Variants in RBFOX1 observed in about 807,000 individuals in gnomAD.
RBFOX1 encodes RNA binding protein fox-1 homolog 1.
In RBFOX1, 8 loss-of-function variants were observed where a neutral mutation model predicts 57.7. The observed-to-expected ratio is 0.14, with a 90% confidence interval of 0.08 to 0.25. The LOEUF is 0.25. RBFOX1 is among the 10% of genes least tolerant of loss of function. The pLI is 1.00. For synonymous variants in RBFOX1, 326 were observed against 222.4 expected, an observed-to-expected ratio of 1.47 and a Z score of -4.15; for missense variants, 611 against 548.5, an observed-to-expected ratio of 1.11 and a Z score of -1.14.
intron 3 of RBFOX1, among the ~76,000 whole-genome samples, chr16:5,624,859 G>A (rs1044194446): frequency 6.6e-6 from 1 of 152,160 alleles, no homozygotes; most frequent in Admixed American, 6.5e-5. Flanking sequence ...TTGCTGAATG[G>A]CTCTGGGAGA....
intron 11 of RBFOX1, among the ~76,000 whole-genome samples, chr16:7,635,080 G>A (rs538207294): frequency 4.6e-5 from 7 of 152,318 alleles, no homozygotes; most frequent in East Asian, 3.9e-4. Flanking sequence ...GGTACTAGGT[G>A]TATTATTGCC....
At chr16:5,592,849 C>T (rs183527378) in intron 2 of RBFOX1, among the ~76,000 whole-genome samples, 2 of 152,274 alleles carry the variant, frequency 1.3e-5, no homozygotes, top group African/African-American at 4.8e-5. Context: ...GCCCTGGGGT[C>T]AGAACACTTT....
chr16:6,656,345 C>G (rs1035946349), intron 3 of RBFOX1, among the ~76,000 whole-genome samples: 1 of 152,102 alleles, frequency 6.6e-6, no homozygotes, highest in African/African-American at 2.4e-5. Context: ...TGAAAGATAA[C>G]ATAGGAACTG....
At chr16:6,656,902 A>ACTCTCCTCTCCTGCC (rs2098658606) in intron 3 of RBFOX1, among the ~76,000 whole-genome samples, 1 of 44,642 alleles carries the variant, frequency 2.2e-5, no homozygotes, top group Non-Finnish European at 4.1e-5. Context: ...CCTCCCCTCA[A>ACTCTCCTCTCCTGCC]CTCTCCTCTC....
chr16:6,664,575 G>A lies in RBFOX1; in HGVS notation c.-16+9925G>A, dbSNP rs145560511. 4.1e-3 allele frequency among the ~76,000 whole-genome samples: 624 copies of A among 152,292 alleles called. 4 individuals carry two copies. The highest frequency in any genetic ancestry group is 0.013 in the African/African-American group (559 of 41,560). ...TCTCTGCTGAGAAGCAGGGCTGTGC[G>A]AGAGACAGCTGCGCATGTAGCCCAC... On this transcript the variant is annotated intron_variant, in intron 3 of 15. Transcript: ENST00000550418.
At chr16:5,968,574 A>C (rs1271783493) in intron 4 of RBFOX1, among the ~76,000 whole-genome samples, 1 of 152,084 alleles carries the variant, frequency 6.6e-6, no homozygotes. Flanking sequence ...ACCTGAAAAT[A>C]ATTTTCTTTC....
chr16:6,532,043 A>C (rs1417121933), intron 2 of RBFOX1, among the ~76,000 whole-genome samples: 2 of 152,178 alleles, frequency 1.3e-5, no homozygotes, highest in Non-Finnish European at 2.9e-5. Context: ...ATGAATTCCA[A>C]CTAAGTCTTC....
At chr16:6,117,783 A>T (rs945252098) in intron 1 of RBFOX1, among the ~76,000 whole-genome samples, 25 of 152,356 alleles carry the variant, frequency 1.6e-4, no homozygotes, top group Non-Finnish European at 2.6e-4. Flanking sequence ...GCTATCTAAG[A>T]TGAGTTATCT....
In RBFOX1 at chr16:5,360,144, G is replaced by C. The variant is rs147246396; in HGVS notation, c.220-107072G>C. On this transcript the variant is annotated intron_variant, in intron 1 of 2. Coordinates refer to the RBFOX1 transcript ENST00000585867. ...AGACAGTTCTGGATGTTGCTCCATAGGCTCCTGATCATCCCACATCTGCAG... is the reference window on the plus strand; with the variant it reads ...AGACAGTTCTGGATGTTGCTCCATACGCTCCTGATCATCCCACATCTGCAG... Among the ~76,000 whole-genome samples, 15 of 152,326 alleles carry C rather than the reference G, an allele frequency of 9.8e-5. No individual in the cohort carries two copies. In the East Asian group the frequency reaches 2.7e-3, roughly 27 times the overall value.
intron 13 of RBFOX1, among the ~76,000 whole-genome samples, chr16:7,670,360 A>G (rs187979649): frequency 1.1e-3 from 164 of 152,328 alleles, no homozygotes; most frequent in African/African-American, 3.8e-3. Context: ...CCAGAAAAAA[A>G]GAAAATAATT....
intron 3 of RBFOX1, among the ~76,000 whole-genome samples, chr16:6,679,136 CA>C (rs2058227265): frequency 6.6e-6 from 1 of 152,112 alleles, no homozygotes; most frequent in Non-Finnish European, 1.5e-5. Flanking sequence ...CAGAATTTCA[CA>C]ACTGAGGAAC....
intron 4 of RBFOX1, among the ~76,000 whole-genome samples, chr16:7,394,836 T>C (rs1396250670): frequency 3.9e-5 from 6 of 152,330 alleles, no homozygotes; most frequent in African/African-American, 1.2e-4. Context: ...CTCTGCCTTA[T>C]TGTTTTTCAA....
intron 5 of RBFOX1, among the ~76,000 whole-genome samples, chr16:7,571,510 C>G (rs972358356): frequency 1.3e-5 from 2 of 152,188 alleles, no homozygotes; most frequent in Admixed American, 6.5e-5. Context: ...TTATTAAGGT[C>G]TTTGTGGAAG....
At chr16:7,585,333 A>T (rs2094046066) in intron 6 of RBFOX1, among the ~76,000 whole-genome samples, 1 of 152,192 alleles carries the variant, frequency 6.6e-6, no homozygotes, top group Admixed American at 6.5e-5. Flanking sequence ...GGCACTGAAA[A>T]TGCTCTGTAA....
chr16:6,413,028 A>T (rs1300775893), intron 2 of RBFOX1, among the ~76,000 whole-genome samples: 1 of 152,228 alleles, frequency 6.6e-6, no homozygotes. Context: ...TATTTTTAAA[A>T]AAAATTTTTG....
chr16:7,350,842 T>G (rs2097116028), intron 4 of RBFOX1, among the ~76,000 whole-genome samples: 1 of 152,180 alleles, frequency 6.6e-6, no homozygotes, highest in South Asian at 2.1e-4. Flanking sequence ...TGTCTGTGCC[T>G]GAAGGTCTGG....
chr16:5,909,036 A>C (rs556830009), intron 4 of RBFOX1, among the ~76,000 whole-genome samples: 1 of 151,596 alleles, frequency 6.6e-6, no homozygotes, highest in East Asian at 1.9e-4. Flanking sequence ...TTTTGTGTAT[A>C]AACCACTTAG....
intron 3 of RBFOX1, among the ~76,000 whole-genome samples, chr16:5,634,441 T>G (rs761937166): frequency 1.3e-5 from 2 of 152,210 alleles, no homozygotes; most frequent in Non-Finnish European, 1.5e-5. Context: ...TTAAGCTAAT[T>G]AATCATTTTA....
At chr16:6,799,285 A>G (rs1054855760) in intron 3 of RBFOX1, among the ~76,000 whole-genome samples, 1 of 152,158 alleles carries the variant, frequency 6.6e-6, no homozygotes, top group African/African-American at 2.4e-5. Context: ...GCACTCCTGG[A>G]TTGTTGGCTA....
Sources: gnomAD v4.1 joint callset for allele counts (sites outside exome capture counted in the v4.1 genomes callset) on GRCh38, gnomAD v4.1.1 for gene constraint, MANE v1.5 for transcripts, NCBI Gene and HGNC (gene_info 2026-07-23, HGNC 2026-07-21) for gene names.